The following ARL13A variants were observed in gnomAD, a reference collection of about 807,000 sequenced individuals.
ARL13A encodes ARF like GTPase 13A, also known as ADP-ribosylation factor-like protein 13A.
In ARL13A, 16 loss-of-function variants were observed where a neutral mutation model predicts 19.1. The ratio of observed to expected loss-of-function variants is 0.84; its 90% CI spans 0.57 to 1.27. The LOEUF (loss-of-function observed/expected upper bound fraction) is 1.27. Among genes scored for constraint, ARL13A ranks in the 50% most tolerant of loss-of-function variants. The pLI, the probability that ARL13A is intolerant of heterozygous loss-of-function variation, is 0.00. For missense variants in ARL13A, 153 were observed against 186.4 expected (o/e 0.82, Z 1.04); for synonymous variants, 69 against 71.3 (o/e 0.97, Z 0.17).
chrX:100,987,385 C>T lies in ARL13A; in HGVS notation c.487-5C>T, dbSNP rs374604993. ...TCTGCAGCCTTCTCTTCTCTTTTGT[C>T]ACAGGAGCCATGTTCAGCCATCAGA... On this transcript the variant is annotated splice_polypyrimidine_tract_variant and splice_region_variant and intron_variant, in intron 5 of 7. Transcript: ENST00000450049. 3.5e-4 allele frequency: 417 copies of T among 1,206,870 alleles called. No individual in the cohort carries two copies. The highest frequency in any genetic ancestry group is 4.3e-4 in the Non-Finnish European group (384 of 894,511).
chrX:100,988,361 ATCT>A (rs764070648), intron 7 of ARL13A, 78 bp downstream of exon 7: 286 of 1,205,515 alleles, frequency 2.4e-4, no homozygotes, highest in Non-Finnish European at 2.6e-4. Flanking sequence ...CCCCCCCATC[ATCT>A]TCTTGCTGTA....
At chrX:100,989,526 C>T (rs1349085385) in intron 7 of ARL13A, among the ~76,000 whole-genome samples, 5 of 108,630 alleles carry the variant, frequency 4.6e-5, no homozygotes, top group African/African-American at 1.7e-4. Flanking sequence ...AGGAGAATCG[C>T]TTGAACCCAG....
At chrX:100,988,936 G>A (rs772230585) in intron 7 of ARL13A, among the ~76,000 whole-genome samples, 2 of 102,509 alleles carry the variant, frequency 2.0e-5, no homozygotes, top group Non-Finnish European at 3.9e-5. Flanking sequence ...TTCTTGAGCT[G>A]TCTCCAAGGA....
At chrX:100,981,006 G>A (rs2085845166) in intron 3 of ARL13A, among the ~76,000 whole-genome samples, 1 of 111,768 alleles carries the variant, frequency 8.9e-6, no homozygotes, top group South Asian at 3.8e-4. Context: ...CTCTCCTCCT[G>A]GAGCTGCAAG....
intron 5 of ARL13A, among the ~76,000 whole-genome samples, chrX:100,987,147 C>T (rs1023735565): frequency 7.1e-5 from 8 of 112,151 alleles, no homozygotes; most frequent in Non-Finnish European, 1.5e-4. Context: ...AGAGACTCTA[C>T]GTGACTTGCT....
At chrX:100,983,588 C>T (rs990651503) in intron 3 of ARL13A, among the ~76,000 whole-genome samples, 3 of 111,050 alleles carry the variant, frequency 2.7e-5, no homozygotes, top group Middle Eastern at 4.2e-3. Context: ...AACTCCTGAC[C>T]TCAGGTGATC....
At chrX:100,986,739 TTC>T in intron 4 of ARL13A, 55 bp from the exon 5 acceptor site, 1 of 800,596 alleles carries the variant, frequency 1.2e-6, no homozygotes, top group Non-Finnish European at 1.8e-6. Context: ...CGCCTTTTGC[TTC>T]TGTTTTGGTT....
intron 3 of ARL13A, among the ~76,000 whole-genome samples, chrX:100,980,656 A>C (rs183976069): frequency 9.0e-6 from 1 of 111,725 alleles, no homozygotes; most frequent in Admixed American, 9.5e-5. Flanking sequence ...CTCAAGCAGG[A>C]GTCTCTCCTG....
intron 1 of ARL13A, among the ~76,000 whole-genome samples, chrX:100,970,223 C>T (rs1237417959): frequency 8.9e-6 from 1 of 112,540 alleles, no homozygotes; most frequent in Non-Finnish European, 1.9e-5. Context: ...TGGTTTTGAT[C>T]ACAGGCCATA....
At chrX:100,978,058 G>A (rs1396274744) in intron 3 of ARL13A, among the ~76,000 whole-genome samples, 8 of 112,038 alleles carry the variant, frequency 7.1e-5, no homozygotes, top group Non-Finnish European at 1.5e-4. Context: ...GTAGTTCTAT[G>A]TTTAGTTTTT....
chrX:100,984,871 A>C (rs1452459056), intron 3 of ARL13A, among the ~76,000 whole-genome samples: 1 of 112,301 alleles, frequency 8.9e-6, no homozygotes, highest in African/African-American at 3.2e-5. Flanking sequence ...TTATCAGATT[A>C]ATCCAATAAT....
intron 4 of ARL13A, 149 bp downstream of exon 4, chrX:100,986,065 G>T: frequency 1.5e-6 from 1 of 670,160 alleles, no homozygotes; most frequent in Non-Finnish European, 2.1e-6. Context: ...AATTTTCTGA[G>T]GTTTGTTCTC....
intron 3 of ARL13A, among the ~76,000 whole-genome samples, chrX:100,977,755 G>A (rs1163344208): frequency 8.9e-6 from 1 of 112,017 alleles, no homozygotes; most frequent in Non-Finnish European, 1.9e-5. Context: ...GAGAACATAC[G>A]AAATTTATCT....
chrX:100,972,527 G>A lies in ARL13A; in HGVS notation c.-14-1149G>A, dbSNP rs1245122274. On this transcript the variant is annotated intron_variant, in intron 1 of 7. Transcript: ENST00000450049. ...TCCCTCCCGGACGGGGCGGCTGGCC[G>A]GGCGGGGGACTGACACCCCCACCTC... 3.5e-3 allele frequency among the ~76,000 whole-genome samples: 290 copies of A among 82,159 alleles called. 4 individuals are homozygous for A. The highest frequency in any genetic ancestry group is 0.013 in the African/African-American group (276 of 20,992). 71.3% of individuals were successfully genotyped at this position (82,159 alleles called of 115,157 possible).
chrX:100,990,453 G>A (rs937220725), intron 7 of ARL13A, 109 bp from the exon 8 acceptor site: 6 of 983,759 alleles, frequency 6.1e-6, no homozygotes, highest in East Asian at 4.0e-5. Context: ...AGGACTACCC[G>A]GTTTTTAAAT....
At chrX:100,970,475 C>T (rs898864296) in intron 1 of ARL13A, among the ~76,000 whole-genome samples, 8 of 112,246 alleles carry the variant, frequency 7.1e-5, no homozygotes, top group Non-Finnish European at 1.1e-4. Context: ...CAAAGCCCAT[C>T]GAAGCATTAA....
chrX:100,973,507 G>A lies in ARL13A; in HGVS notation c.-14-169G>A, dbSNP rs916543128. Reference sequence around the variant, plus strand: ...ATCCTCCCGGCGGTCGGGCGGCGGCGGCTGCCTTCTATGACATTTATAGAC... The same window carrying A: ...ATCCTCCCGGCGGTCGGGCGGCGGCAGCTGCCTTCTATGACATTTATAGAC... On this transcript the variant is annotated intron_variant, in intron 1 of 7. Coordinates refer to ENST00000450049, the MANE Select transcript of ARL13A (RefSeq NM_001162491.2). 9.0e-5 allele frequency among the ~76,000 whole-genome samples: 10 copies of A among 110,524 alleles called. No individual in the cohort carries two copies. The South Asian group carries it at 1.5e-3, about 17-fold the overall frequency.
chrX:100,989,357 A>G (rs770679304), intron 7 of ARL13A, among the ~76,000 whole-genome samples: 128 of 111,132 alleles, frequency 1.2e-3, no homozygotes, highest in African/African-American at 4.1e-3. Flanking sequence ...CACACCTGTA[A>G]TCCCAGCACT....
chrX:100,980,897 A>G (rs1336865660), intron 3 of ARL13A, among the ~76,000 whole-genome samples: 1 of 111,746 alleles, frequency 8.9e-6, no homozygotes, highest in Admixed American at 9.5e-5. Context: ...TCGGGGAGCC[A>G]TGGCCTGAAA....
Sources: gnomAD v4.1 joint callset for allele counts (sites outside exome capture counted in the v4.1 genomes callset) on GRCh38, gnomAD v4.1.1 for gene constraint, MANE v1.5 for transcripts, NCBI Gene and HGNC (gene_info 2026-07-23, HGNC 2026-07-21) for gene names.